Variants in ZEB1 observed in about 807,000 individuals in gnomAD.
ZEB1 encodes the protein zinc finger E-box-binding homeobox 1.
Under a neutral mutation model 84.9 loss-of-function variants are expected in ZEB1, and 21 were observed. The ratio of observed to expected loss-of-function variants is 0.25; its 90% CI spans 0.18 to 0.36. The LOEUF is 0.36. Ranked by LOEUF, ZEB1 falls within the 10% of genes least tolerant of loss-of-function variation. The probability of loss-of-function intolerance (pLI) is 1.00; values close to 1 mark genes in which losing one functional copy is unlikely to be tolerated. For missense variants in ZEB1, 1,104 were observed against 1,330.2 expected (o/e 0.83, Z 2.65); for synonymous variants, 420 against 471.1 (o/e 0.89, Z 1.41).
At chr10:31,485,071 GTTAA>G (rs1284765164) in intron 2 of ZEB1, among the ~76,000 whole-genome samples, 28 of 151,816 alleles carry the variant, frequency 1.8e-4, no homozygotes, top group Admixed American at 3.9e-4. Flanking sequence ...GAATGGATTA[GTTAA>G]TTAATTAAAT....
At chr10:31,526,067 G>T (rs902159174) in intron 8 of ZEB1, among the ~76,000 whole-genome samples, 1 of 152,188 alleles carries the variant, frequency 6.6e-6, no homozygotes, top group African/African-American at 2.4e-5. Context: ...TAGCCCATGC[G>T]TTCTCAGGAG....
In ZEB1 at chr10:31,520,043, C is replaced by A; in HGVS notation, c.794-83C>A. ...GGCAGTCTTCTTTTTAAAATTGATA[C>A]CGCTTGTTTTAGGGAAATGAGGATA... On this transcript the variant is annotated intron_variant, in intron 6 of 8. Coordinates refer to ENST00000424869, the MANE Select transcript of ZEB1 (RefSeq NM_001174096.2). The surrounding 1 kb of genome is among the most constrained non-coding windows in gnomAD (Gnocchi z 5.1). 1.3e-6 allele frequency: 2 copies of A among 1,525,404 alleles called. No individual in the cohort carries two copies. The highest frequency in any genetic ancestry group is 1.8e-6 in the Non-Finnish European group (2 of 1,130,732). 94.5% of individuals were successfully genotyped at this position (1,525,404 alleles called of 1,614,324 possible).
chr10:31,332,737 A>C (rs1233297411), intron 1 of ZEB1, among the ~76,000 whole-genome samples: 2 of 152,148 alleles, frequency 1.3e-5, no homozygotes, highest in Non-Finnish European at 2.9e-5. Context: ...CTGAGGAAAT[A>C]CCTTTATCAT....
chr10:31,362,787 C>T (rs1348584327), intron 1 of ZEB1: 1 of 709,838 alleles, frequency 1.4e-6, no homozygotes, highest in Non-Finnish European at 2.5e-6. Flanking sequence ...CTGGGCCTCC[C>T]AAAGTGCTGG....
At chr10:31,427,628 T>C (rs1368907596) in intron 1 of ZEB1, among the ~76,000 whole-genome samples, 3 of 151,910 alleles carry the variant, frequency 2.0e-5, no homozygotes, top group Non-Finnish European at 4.4e-5. Flanking sequence ...CCAAGGCGGG[T>C]GGATCACGAG....
intron 1 of ZEB1, among the ~76,000 whole-genome samples, chr10:31,337,650 A>C (rs1025560040): frequency 8.4e-4 from 126 of 149,386 alleles, no homozygotes; most frequent in African/African-American, 3.0e-3. Flanking sequence ...CTTTGTATTT[A>C]ATATAGCAGA....
intron 8 of ZEB1, 100 bp downstream of exon 8, chr10:31,524,213 T>C: frequency 7.3e-7 from 1 of 1,371,700 alleles, no homozygotes; most frequent in South Asian, 1.3e-5. Context: ...TTTTTTTTTT[T>C]TTTTATTTTG....
chr10:31,494,036 G>A (rs988082808), intron 2 of ZEB1, among the ~76,000 whole-genome samples: 1 of 151,936 alleles, frequency 6.6e-6, no homozygotes, highest in Admixed American at 6.6e-5. Flanking sequence ...TCCATCTTAC[G>A]AGGTAGTAAC....
chr10:31,526,516 G>T lies in ZEB1; in HGVS notation c.2786-156G>T, dbSNP rs369775190. Among the ~76,000 whole-genome samples, 143 of 152,128 alleles carry T rather than the reference G, an allele frequency of 9.4e-4. 2 individuals carry two copies. Among genetic ancestry groups the T allele is most frequent in the African/African-American group, 3.4e-3 (140 of 41,482 alleles). On this transcript the variant is annotated intron_variant, in intron 8 of 8. Coordinates refer to ENST00000424869, the MANE Select transcript of ZEB1 (RefSeq NM_001174096.2). ...TTTAATGTAAAGAACAAACCAAATT[G>T]CAATATTATATTACAAAGAGTTTGG...
chr10:31,414,897 A>T (rs551844680), intron 1 of ZEB1, among the ~76,000 whole-genome samples: 141 of 152,214 alleles, frequency 9.3e-4, no homozygotes, highest in Non-Finnish European at 1.4e-3. Flanking sequence ...AAAGAATGAT[A>T]AAAGCATTGT....
At chr10:31,480,066 A>C (rs953168284) in intron 2 of ZEB1, among the ~76,000 whole-genome samples, 7 of 151,998 alleles carry the variant, frequency 4.6e-5, no homozygotes, top group Admixed American at 4.6e-4. Flanking sequence ...TTTTTAAAAC[A>C]TATATAAAAC....
chr10:31,345,747 C>A (rs1216111604), intron 1 of ZEB1, among the ~76,000 whole-genome samples: 1 of 152,060 alleles, frequency 6.6e-6, no homozygotes, highest in Non-Finnish European at 1.5e-5. Context: ...AAATCAGCTT[C>A]CCTAGATCCC....
intron 1 of ZEB1, among the ~76,000 whole-genome samples, chr10:31,439,615 T>C (rs2136457647): frequency 6.6e-6 from 1 of 152,082 alleles, no homozygotes; most frequent in Non-Finnish European, 1.5e-5. Context: ...CAATAAGATA[T>C]TATAGTGACA....
intron 1 of ZEB1, chr10:31,355,030 A>G (rs1287756882): frequency 6.6e-6 from 1 of 152,162 alleles, no homozygotes; most frequent in Non-Finnish European, 1.5e-5. Context: ...CTCCTTTGTT[A>G]TTAAAAGTTC....
intron 1 of ZEB1, among the ~76,000 whole-genome samples, chr10:31,335,509 A>G (rs577958299): frequency 6.6e-6 from 1 of 152,282 alleles, no homozygotes; most frequent in South Asian, 2.1e-4. Context: ...ACTTAATAGA[A>G]TTTACCACAT....
At chr10:31,449,082 C>A (rs2060193289) in intron 1 of ZEB1, among the ~76,000 whole-genome samples, 1 of 152,230 alleles carries the variant, frequency 6.6e-6, no homozygotes, top group Admixed American at 6.5e-5. Context: ...GGGCGTAGGA[C>A]CCTCTGAGCC....
At chr10:31,509,581 C>A (rs2069602058) in intron 4 of ZEB1, among the ~76,000 whole-genome samples, 1 of 152,118 alleles carries the variant, frequency 6.6e-6, no homozygotes, top group African/African-American at 2.4e-5. Flanking sequence ...CATATTTGAC[C>A]AACTATTTAA....
chr10:31,333,630 A>C (rs2037302858), intron 1 of ZEB1, among the ~76,000 whole-genome samples: 1 of 152,086 alleles, frequency 6.6e-6, no homozygotes, highest in Non-Finnish European at 1.5e-5. Flanking sequence ...TCTGAAAAAA[A>C]GGTAAAGAAG....
chr10:31,493,419 T>C (rs2066816226), intron 2 of ZEB1, among the ~76,000 whole-genome samples: 1 of 152,016 alleles, frequency 6.6e-6, no homozygotes, highest in Non-Finnish European at 1.5e-5. Context: ...ATATTTGCTT[T>C]AGAATTTATA....
Sources: allele counts gnomAD v4.1 joint callset (sites outside exome capture counted in the v4.1 genomes callset), GRCh38; gene constraint gnomAD v4.1.1; non-coding constraint Gnocchi (gnomAD v3.1); transcripts MANE v1.5; gene names NCBI Gene and HGNC (gene_info 2026-07-23, HGNC 2026-07-21).